GSK3B: variants seen among roughly 807,000 people sequenced by gnomAD.
GSK3B encodes glycogen synthase kinase-3 beta.
Under a neutral mutation model 56.4 loss-of-function variants are expected in GSK3B, and 15 were observed. That is an observed-to-expected ratio of 0.27 (90% CI 0.18 to 0.41). GSK3B has a LOEUF of 0.41. Ranked by LOEUF, GSK3B falls within the 10% of genes least tolerant of loss-of-function variation. GSK3B has a pLI of 1.00. For missense variants in GSK3B, 300 were observed against 513.4 expected (o/e 0.58, Z 4.02); for synonymous variants, 181 against 188.9 (o/e 0.96, Z 0.34).
At position 120,093,572 on chromosome 3, in the gene GSK3B, G is replaced by A. The variant is rs1195818147; in HGVS notation, c.-138C>T. 1.6e-6 allele frequency: 1 copy of A among 608,990 alleles called. No individual in the cohort carries two copies. The highest frequency in any genetic ancestry group is 3.0e-6 in the Non-Finnish European group (1 of 338,376). The allele number at this position is 608,990 out of a possible 1,614,324, so 37.7% of individuals were successfully genotyped here. ...AAAAAGAAAAAGACTTCGTCCTCTT[G>A]GCTTTTCACTCCTTTTGTATACTAT... On this transcript the variant is annotated 5_prime_UTR_variant, in exon 1 of 11. Coordinates refer to ENST00000264235, the MANE Select transcript of GSK3B (RefSeq NM_001146156.2).
intron 3 of GSK3B, among the ~76,000 whole-genome samples, chr3:119,930,943 T>C (rs969400269): frequency 6.6e-6 from 1 of 152,234 alleles, no homozygotes; most frequent in African/African-American, 2.4e-5. Context: ...ATGTCTGCTA[T>C]AGGCTGAACA....
chr3:119,883,433 CA>C (rs1201399655), intron 7 of GSK3B, among the ~76,000 whole-genome samples: 1 of 149,982 alleles, frequency 6.7e-6, no homozygotes, highest in African/African-American at 2.4e-5. Flanking sequence ...GAATGGTCCC[CA>C]AAAAAATTAT....
chr3:120,032,248 A>G (rs1427379722), intron 1 of GSK3B, among the ~76,000 whole-genome samples: 1 of 152,170 alleles, frequency 6.6e-6, no homozygotes, highest in Non-Finnish European at 1.5e-5. Context: ...AGGCCGAGGC[A>G]GGCGGATCAC....
chr3:119,857,050 C>A (rs1250083506), intron 9 of GSK3B, among the ~76,000 whole-genome samples: 1 of 152,152 alleles, frequency 6.6e-6, no homozygotes, highest in African/African-American at 2.4e-5. Flanking sequence ...AAAAAAACCA[C>A]ATATATACCT....
At chr3:120,084,302 T>C (rs1478486971) in intron 1 of GSK3B, among the ~76,000 whole-genome samples, 1 of 152,072 alleles carries the variant, frequency 6.6e-6, no homozygotes, top group Non-Finnish European at 1.5e-5. Flanking sequence ...GGCATGACAA[T>C]AAATGATGTC....
At chr3:119,973,911 T>A (rs1244999855) in intron 2 of GSK3B, among the ~76,000 whole-genome samples, 1 of 152,040 alleles carries the variant, frequency 6.6e-6, no homozygotes, top group Non-Finnish European at 1.5e-5. Context: ...CAGACACAAT[T>A]AAAGAAATGA....
At chr3:119,840,517 C>T (rs1159191294) in intron 10 of GSK3B, among the ~76,000 whole-genome samples, 1 of 152,142 alleles carries the variant, frequency 6.6e-6, no homozygotes, top group Non-Finnish European at 1.5e-5. Flanking sequence ...AGCCACCGCG[C>T]CTGGCCGAGG....
At chr3:120,046,006 C>G (rs1054202675) in intron 1 of GSK3B, among the ~76,000 whole-genome samples, 1 of 151,582 alleles carries the variant, frequency 6.6e-6, no homozygotes, top group Non-Finnish European at 1.5e-5. Flanking sequence ...ATGATTCCAA[C>G]TATAGGACAT....
intron 8 of GSK3B, among the ~76,000 whole-genome samples, chr3:119,874,976 G>A (rs1026611375): frequency 6.6e-6 from 1 of 152,046 alleles, no homozygotes; most frequent in Non-Finnish European, 1.5e-5. Flanking sequence ...TCTGGGTTTA[G>A]AGCCAGGTGA....
At chr3:119,903,033 G>A (rs1007025542) in intron 7 of GSK3B, among the ~76,000 whole-genome samples, 2 of 152,096 alleles carry the variant, frequency 1.3e-5, no homozygotes, top group African/African-American at 4.8e-5. Context: ...AAGATTTGGG[G>A]CTACATTAAA....
At chr3:119,842,656 C>T (rs76574105) in intron 10 of GSK3B, among the ~76,000 whole-genome samples, 3,925 of 152,130 alleles carry the variant, frequency 0.026, 172 homozygotes, top group African/African-American at 0.089. Context: ...TGGGGTCTCA[C>T]TATGTTGTCC....
At chr3:119,946,784 T>TTGC (rs1269005833) in intron 3 of GSK3B, among the ~76,000 whole-genome samples, 8 of 152,186 alleles carry the variant, frequency 5.3e-5, no homozygotes, top group Non-Finnish European at 1.0e-4. Context: ...AGCTCTGCAA[T>TTGC]ATTACATCTT....
chr3:119,942,058 T>A (rs577391334), intron 3 of GSK3B, among the ~76,000 whole-genome samples: 108 of 152,176 alleles, frequency 7.1e-4, no homozygotes, highest in Non-Finnish European at 1.4e-3. Flanking sequence ...CAGGCCCCCA[T>A]TACTATCAAT....
At chr3:119,829,690 C>T (rs1425691597) in intron 10 of GSK3B, among the ~76,000 whole-genome samples, 1 of 152,218 alleles carries the variant, frequency 6.6e-6, no homozygotes, top group East Asian at 1.9e-4. Context: ...AACCAGTCTC[C>T]TCTTTCTTGG....
chr3:119,969,223 C>G (rs988940605), intron 2 of GSK3B, among the ~76,000 whole-genome samples: 2 of 150,600 alleles, frequency 1.3e-5, no homozygotes. Context: ...ACCCAGGAGG[C>G]GGAGGTTACA....
At chr3:120,080,268 T>C (rs1270267678) in intron 1 of GSK3B, among the ~76,000 whole-genome samples, 2 of 150,748 alleles carry the variant, frequency 1.3e-5, no homozygotes, top group African/African-American at 2.4e-5. Context: ...TACAATCTGA[T>C]AAACAGAGCA....
intron 4 of GSK3B, among the ~76,000 whole-genome samples, chr3:119,919,147 G>A (rs973258246): frequency 8.5e-5 from 13 of 152,228 alleles, no homozygotes; most frequent in African/African-American, 3.1e-4. Flanking sequence ...AAGCAAAGGT[G>A]CTCAGTTTTT....
intron 10 of GSK3B, among the ~76,000 whole-genome samples, chr3:119,839,332 G>A (rs2108007616): frequency 6.6e-6 from 1 of 152,296 alleles, no homozygotes; most frequent in Non-Finnish European, 1.5e-5. Context: ...TAGTCAGTAT[G>A]ATAATGGTTG....
chr3:120,037,945 A>G (rs757463384), intron 1 of GSK3B, among the ~76,000 whole-genome samples: 20 of 152,178 alleles, frequency 1.3e-4, no homozygotes, highest in Non-Finnish European at 2.5e-4. Flanking sequence ...AAAAATATAT[A>G]AAACATCTAA....
Sources: allele counts gnomAD v4.1 joint callset (sites outside exome capture counted in the v4.1 genomes callset), GRCh38; gene constraint gnomAD v4.1.1; transcripts MANE v1.5; gene names NCBI Gene and HGNC (gene_info 2026-07-23, HGNC 2026-07-21).